DLGAP2: variants seen among roughly 807,000 people sequenced by gnomAD.
The protein encoded by DLGAP2 is DLG associated protein 2, also known as disks large-associated protein 2.
A neutral mutation model predicts 100.3 loss-of-function variants in DLGAP2; 26 were observed. The observed-to-expected ratio is 0.26, with a 90% CI of 0.19 to 0.36. The LOEUF is 0.36. Ranked by LOEUF, DLGAP2 falls within the 10% of genes least tolerant of loss-of-function variation. The pLI, the probability that DLGAP2 is intolerant of heterozygous loss-of-function variation, is 1.00. For missense variants in DLGAP2, 1,858 were observed against 1,453.2 expected (o/e 1.28, Z -4.53); for synonymous variants, 886 against 630.1 (o/e 1.41, Z -6.08).
At position 1,565,901 on chromosome 8, in the gene DLGAP2, G is replaced by A. The variant is rs1802380239; in HGVS notation, c.1442+7G>A. 1 of 1,586,628 alleles carries A rather than the reference G, an allele frequency of 6.3e-7. No homozygotes were observed. Among genetic ancestry groups the A allele is most frequent in the East Asian group, 2.3e-5 (1 of 43,336 alleles). Reference sequence around the variant, plus strand: ...CGCTTGGAGAGCACCAGACGTAAGTGAGACCAGCTGCCTTCCCACTCCAAG... The same window carrying A: ...CGCTTGGAGAGCACCAGACGTAAGTAAGACCAGCTGCCTTCCCACTCCAAG... On this transcript the variant is annotated splice_region_variant and intron_variant, in intron 6 of 14. Transcript: ENST00000637795.
chr8:957,239 G>A (rs1203834119), intron 2 of DLGAP2, among the ~76,000 whole-genome samples: 1 of 152,236 alleles, frequency 6.6e-6, no homozygotes, highest in Non-Finnish European at 1.5e-5. Flanking sequence ...AGTGCTTGTG[G>A]GACAGCCAGA....
intron 2 of DLGAP2, chr8:1,032,531 C>G (rs1025325416): frequency 1.1e-4 from 16 of 152,234 alleles, no homozygotes; most frequent in Non-Finnish European, 1.8e-4. Flanking sequence ...GGAGTCCACC[C>G]ACAGCTGTTT....
At chr8:1,619,130 C>A (rs2956962) in intron 6 of DLGAP2, among the ~76,000 whole-genome samples, 50,808 of 152,022 alleles carry the variant, frequency 0.33, 8,622 homozygotes, top group East Asian at 0.5. Context: ...CAGAATATGT[C>A]AAGAACTCCT....
At chr8:1,656,969 A>T (rs185165617) in intron 8 of DLGAP2, among the ~76,000 whole-genome samples, 75 of 152,264 alleles carry the variant, frequency 4.9e-4, no homozygotes, top group Admixed American at 1.4e-3. Context: ...GTTTTCATCT[A>T]TTTCCCTGTA....
At chr8:1,671,875 C>G (rs940732230) in intron 10 of DLGAP2, among the ~76,000 whole-genome samples, 1 of 152,252 alleles carries the variant, frequency 6.6e-6, no homozygotes, top group African/African-American at 2.4e-5. Context: ...CCTTGGCACT[C>G]ATAGGCCAGT....
At chr8:984,152 A>T (rs1400834933) in intron 2 of DLGAP2, among the ~76,000 whole-genome samples, 1 of 152,156 alleles carries the variant, frequency 6.6e-6, no homozygotes, top group African/African-American at 2.4e-5. Context: ...TTTAAAAATC[A>T]TATGGAAAGA....
chr8:1,037,989 G>C (rs1802184618), intron 2 of DLGAP2, among the ~76,000 whole-genome samples: 1 of 152,244 alleles, frequency 6.6e-6, no homozygotes, highest in Non-Finnish European at 1.5e-5. Flanking sequence ...GGAGGAGGTT[G>C]GTGTCCATAG....
intron 3 of DLGAP2, among the ~76,000 whole-genome samples, chr8:1,327,882 A>G (rs1480408322): frequency 6.6e-6 from 1 of 152,092 alleles, no homozygotes; most frequent in African/African-American, 2.4e-5. Flanking sequence ...TTGTAAATGA[A>G]TCCATTCTCC....
chr8:1,341,993 C>G (rs181255814), intron 3 of DLGAP2, among the ~76,000 whole-genome samples: 6 of 152,134 alleles, frequency 3.9e-5, no homozygotes, highest in African/African-American at 7.2e-5. Flanking sequence ...CTCTGTCACC[C>G]GGGCTGGAGT....
rs777558002 is a variant in DLGAP2, at chr8:1,668,378, G to T, written c.1860G>T (p.Arg620=). Reference sequence around the variant, plus strand: ...AAACGCCCCCACCGGTGCCCCCTCGGACCACCTCCAAGCCTCTGATCTCGG... The same window carrying T: ...AAACGCCCCCACCGGTGCCCCCTCGTACCACCTCCAAGCCTCTGATCTCGG... ...YKKTPPPVPP[R]TTSKPLISVT... is the part of the protein sequence containing the mutation. Residue 620 remains arginine, a synonymous_variant, in exon 9 of 15, where the codon CGG becomes CGT. Transcript: ENST00000637795. 2 of 1,587,434 alleles carry T rather than the reference G, an allele frequency of 1.3e-6. No homozygotes were observed. The highest frequency in any genetic ancestry group is 1.1e-5 in the South Asian group (1 of 87,198).
At chr8:1,066,579 C>A (rs1012018554) in intron 2 of DLGAP2, among the ~76,000 whole-genome samples, 1 of 143,772 alleles carries the variant, frequency 7.0e-6, no homozygotes, top group Admixed American at 6.9e-5. Context: ...GTGAGGGCAG[C>A]TCCCCACCAT....
At chr8:1,271,014 G>A (rs1799571931) in intron 3 of DLGAP2, among the ~76,000 whole-genome samples, 1 of 152,228 alleles carries the variant, frequency 6.6e-6, no homozygotes, top group East Asian at 1.9e-4. Flanking sequence ...TTTCAGAATT[G>A]TAATGACGGA....
At chr8:1,308,759 G>A (rs953904978) in intron 3 of DLGAP2, among the ~76,000 whole-genome samples, 2 of 152,236 alleles carry the variant, frequency 1.3e-5, no homozygotes, top group South Asian at 2.1e-4. Context: ...TCCCGACCTC[G>A]GATGATCTGC....
rs539572693 is a variant in DLGAP2, at chr8:777,883, C to G, written c.18+40058C>G. 7.8e-4 allele frequency among the ~76,000 whole-genome samples: 118 copies of G among 152,194 alleles called. No individual in the cohort carries two copies. The South Asian group carries it at 8.9e-3, about 12-fold the overall frequency. The stretch of plus-strand genomic sequence containing the variant: ...TGTGGCGTCTCTGTGTTTCCTGAAT[C>G]TGAACGTCGGCCTGCCTTGCTAGAT... On this transcript the variant is annotated intron_variant, in intron 1 of 14. Coordinates refer to ENST00000637795, the MANE Select transcript of DLGAP2 (RefSeq NM_001346810.2).
intron 3 of DLGAP2, among the ~76,000 whole-genome samples, chr8:1,344,135 C>CAT (rs1563095044): frequency 2.7e-5 from 4 of 149,762 alleles, no homozygotes; most frequent in Non-Finnish European, 4.4e-5. Flanking sequence ...GTCGTGGGTC[C>CAT]GTGTACTCGG....
chr8:1,211,429 G>A (rs1012180039), intron 2 of DLGAP2, among the ~76,000 whole-genome samples: 9 of 152,214 alleles, frequency 5.9e-5, no homozygotes, highest in African/African-American at 9.7e-5. Flanking sequence ...GCTTTTTAAC[G>A]TGGAGCTGTT....
chr8:1,513,889 T>A (rs1240997706), intron 4 of DLGAP2, among the ~76,000 whole-genome samples: 1 of 152,166 alleles, frequency 6.6e-6, no homozygotes, highest in Non-Finnish European at 1.5e-5. Flanking sequence ...CTTGCCTTCC[T>A]TCCCTCCTTC....
intron 1 of DLGAP2, chr8:822,258 C>T (rs749142667): frequency 2.6e-4 from 104 of 399,426 alleles, no homozygotes; most frequent in Admixed American, 1.1e-3. Context: ...CCAGCATTTG[C>T]TTACTTCCTG....
chr8:1,512,908 G>A (rs999852289), intron 4 of DLGAP2, among the ~76,000 whole-genome samples: 1 of 152,262 alleles, frequency 6.6e-6, no homozygotes, highest in Non-Finnish European at 1.5e-5. Context: ...GCCACCCTGT[G>A]CCATCTGTGT....
Sources: gnomAD v4.1 joint callset for allele counts (sites outside exome capture counted in the v4.1 genomes callset) on GRCh38, gnomAD v4.1.1 for gene constraint, MANE v1.5 for transcripts, NCBI Gene and HGNC (gene_info 2026-07-23, HGNC 2026-07-21) for gene names.